Variants in EIF3F observed in about 807,000 individuals in gnomAD.
EIF3F encodes deubiquitinating enzyme eIF3f.
EIF3F carries 8 observed loss-of-function variants against 36.0 expected under a neutral mutation model. That is an observed-to-expected ratio of 0.22 (90% confidence interval 0.13 to 0.40). The LOEUF is 0.40. Ranked by LOEUF, EIF3F falls within the 10% of genes least tolerant of loss-of-function variation. The pLI is 1.00. For synonymous variants in EIF3F, 184 were observed against 188.5 expected (o/e 0.98, Z 0.19); for missense variants, 430 against 467.6 (o/e 0.92, Z 0.74).
At position 7,998,551 on chromosome 11, in the gene EIF3F, G is replaced by A. The variant is rs1942187598; in HGVS notation, c.*2529G>A. The A allele has an allele frequency of 6.6e-6, 1 of 152,200 alleles. No individual in the cohort carries two copies. The highest frequency in any genetic ancestry group is 1.5e-5 in the Non-Finnish European group (1 of 68,042). The allele number at this position is 152,200 out of a possible 1,614,324, so 9.4% of individuals were successfully genotyped here. On this transcript the variant is annotated 3_prime_UTR_variant, in exon 8 of 8. Transcript: ENST00000651655. ...ACCTCAGCTGGGAACATGGAGAGCA[G>A]GCAATTCAAATTTTTTCACATGCTG...
chr11:7,992,182 G>A lies in EIF3F; in HGVS notation c.515+19G>A, dbSNP rs745733190. On this transcript the variant is annotated intron_variant, in intron 3 of 7. Coordinates refer to ENST00000651655, the MANE Select transcript of EIF3F (RefSeq NM_003754.3). ...TGGGCTGGTAAGTTGGGGAGGTGGGGGCTGGGGTTAATGGAAGGTCTCTTC... is the reference window on the plus strand; with the variant it reads ...TGGGCTGGTAAGTTGGGGAGGTGGGAGCTGGGGTTAATGGAAGGTCTCTTC... 2.2e-5 allele frequency: 35 copies of A among 1,601,466 alleles called. No homozygotes were observed. The South Asian group carries it at 3.8e-4, about 17-fold the overall frequency.
intron 1 of EIF3F, chr11:7,987,963 T>C (rs1942048142): frequency 2.3e-6 from 1 of 440,580 alleles, no homozygotes; most frequent in Admixed American, 4.6e-5. Flanking sequence ...AAGGAGTAGT[T>C]GTGTCATTTA....
intron 5 of EIF3F, chr11:7,994,721 T>G: frequency 1.5e-6 from 1 of 687,446 alleles, no homozygotes. Context: ...TGGGAAATGA[T>G]CAGCACCAGA....
chr11:7,995,913 C>T (rs1942154985), intron 7 of EIF3F, 32 bp from the exon 8 acceptor site: 1 of 1,602,822 alleles, frequency 6.2e-7, no homozygotes, highest in Non-Finnish European at 8.5e-7. Flanking sequence ...TCCACCCAAC[C>T]CCCCACTCAT....
chr11:7,992,026 A>T, intron 2 of EIF3F, 58 bp from the exon 3 acceptor site: 1 of 1,582,308 alleles, frequency 6.3e-7, no homozygotes, highest in Non-Finnish European at 8.7e-7. Context: ...TGTCCTTTTT[A>T]ACCAATTTTT....
At position 7,996,029 on chromosome 11, in the gene EIF3F, C is replaced by T. The variant is rs1942156062; in HGVS notation, c.*7C>T. The T allele has an allele frequency of 6.2e-7, 1 of 1,613,558 alleles. No homozygotes were observed. Among genetic ancestry groups the T allele is most frequent in the Non-Finnish European group, 8.5e-7 (1 of 1,179,520 alleles). ...AAAACTTGTAAACCTGTGAATGGACCCCAAGCAGTACACTTGCTGGTCTAG... is the reference window on the plus strand; with the variant it reads ...AAAACTTGTAAACCTGTGAATGGACTCCAAGCAGTACACTTGCTGGTCTAG... On this transcript the variant is annotated 3_prime_UTR_variant, in exon 8 of 8. Transcript: ENST00000651655.
chr11:7,991,572 G>T (rs1376624042), intron 1 of EIF3F, among the ~76,000 whole-genome samples: 1 of 152,202 alleles, frequency 6.6e-6, no homozygotes, highest in Admixed American at 6.5e-5. Context: ...ATTTGGTGAT[G>T]ATTAGAGGGA....
rs1942214169 is a variant in EIF3F, at chr11:8,000,922, C to T, written c.*4900C>T. The T allele has an allele frequency of 6.6e-6, 1 of 152,112 alleles. No individual in the cohort carries two copies. Among genetic ancestry groups the T allele is most frequent in the African/African-American group, 2.4e-5 (1 of 41,416 alleles). The allele number at this position is 152,112 out of a possible 1,614,324, so 9.4% of individuals were successfully genotyped here. A position where few individuals can be genotyped will look rare whatever the true frequency, so the allele number is the denominator to read the frequency against. On this transcript the variant is annotated 3_prime_UTR_variant, in exon 8 of 8. Transcript: ENST00000651655. ...AGAATCCAGGAGTTATTTTAAAAGA[C>T]TGACAAATTTAGCAACATTTTTAAA...
rs547089667 is a variant in EIF3F at position 7,993,435 on chromosome 11, AGGATGACTGTCCTTATTTT to A, written c.653+413_653+431del. 2.5e-4 allele frequency among the ~76,000 whole-genome samples: 38 copies of A among 152,348 alleles called. No homozygotes were observed. The East Asian group carries it at 6.9e-3, about 28-fold the overall frequency. ...AGCGCTCAGGGTAATACAGATTATA[AGGATGACTGTCCTTATTTT>A]GAACACATTTATTAACCCAGGATTG... On this transcript the variant is annotated intron_variant, in intron 4 of 7. Coordinates refer to ENST00000651655, the MANE Select transcript of EIF3F (RefSeq NM_003754.3).
rs900230862 is a variant in EIF3F at position 7,999,007 on chromosome 11, A to G, written c.*2985A>G. 2 of 152,260 alleles carry G rather than the reference A, an allele frequency of 1.3e-5. No individual in the cohort carries two copies. Among genetic ancestry groups the G allele is most frequent in the African/African-American group, 4.8e-5 (2 of 41,472 alleles). The allele number at this position is 152,260 out of a possible 1,614,324, so 9.4% of individuals were successfully genotyped here. On this transcript the variant is annotated 3_prime_UTR_variant, in exon 8 of 8. Coordinates refer to ENST00000651655, the MANE Select transcript of EIF3F (RefSeq NM_003754.3). ...GCCAGGCACAGTGGCTCATGCCTGT[A>G]ATCCCAGCACTTTGGCAGGCTGAGA...
intron 3 of EIF3F, 84 bp from the exon 4 acceptor site, chr11:7,992,803 A>G (rs1942112787): frequency 6.3e-7 from 1 of 1,587,042 alleles, no homozygotes; most frequent in African/African-American, 1.3e-5. Flanking sequence ...AGTGTCCGGT[A>G]CCCTGAAGAC....
At position 7,992,076 on chromosome 11, in the gene EIF3F, C is replaced by T; in HGVS notation, c.436-8C>T. On this transcript the variant is annotated splice_region_variant and splice_polypyrimidine_tract_variant and intron_variant, in intron 2 of 7. Transcript: ENST00000651655. ...CTTCTTAGCTTGCTTTCCTGCCTTC[C>T]CTCTTAGGTGGCTGTTGACATGGAA... The T allele has an allele frequency of 1.9e-6, 3 of 1,612,892 alleles. No homozygotes were observed. Among genetic ancestry groups the T allele is most frequent in the Non-Finnish European group, 1.7e-6 (2 of 1,179,884 alleles).
rs770139004 is a variant in EIF3F, at chr11:7,996,125, CAGTT to C, written c.*104_*107del. 112 of 1,001,192 alleles carry C rather than the reference CAGTT, an allele frequency of 1.1e-4. No individual in the cohort carries two copies. Among genetic ancestry groups the C allele is most frequent in the Non-Finnish European group, 1.7e-4 (105 of 634,738 alleles). The allele number at this position is 1,001,192 out of a possible 1,614,324, so 62.0% of individuals were successfully genotyped here. On this transcript the variant is annotated 3_prime_UTR_variant, in exon 8 of 8. Coordinates refer to ENST00000651655, the MANE Select transcript of EIF3F (RefSeq NM_003754.3). ...TGGTCTTGAGTCACACTGAGATAGT[CAGTT>C]GTGTGTGACTCTAATAAACGGAGCC...
In EIF3F at chr11:7,999,898, T is replaced by C. The variant is rs1178740361; in HGVS notation, c.*3876T>C. On this transcript the variant is annotated 3_prime_UTR_variant, in exon 8 of 8. Transcript: ENST00000651655. ...ACAATCGCCAAGACATCAACCTAAG[T>C]GTCCATCAACAGAAGATAGATAGGG... The C allele has an allele frequency of 6.6e-6, 1 of 152,144 alleles. No individual in the cohort carries two copies. The highest frequency in any genetic ancestry group is 1.5e-5 in the Non-Finnish European group (1 of 68,032). 9.4% of individuals were successfully genotyped at this position (152,144 alleles called of 1,614,324 possible). A position where few individuals can be genotyped will look rare whatever the true frequency, so the allele number is the denominator to read the frequency against.
At chr11:7,988,586 ATTCCAT>A (rs1942055351) in intron 1 of EIF3F, among the ~76,000 whole-genome samples, 1 of 152,220 alleles carries the variant, frequency 6.6e-6, no homozygotes, top group Admixed American at 6.5e-5. Flanking sequence ...ATTCGTTTCC[ATTCCAT>A]CTTAGTGCCA....
In EIF3F at chr11:8,001,087, A is replaced by T. The variant is rs535344311; in HGVS notation, c.*5065A>T. 1 of 152,380 alleles carries T rather than the reference A, an allele frequency of 6.6e-6. No homozygotes were observed. The highest frequency in any genetic ancestry group is 2.1e-4 in the South Asian group (1 of 4,832). 9.4% of individuals were successfully genotyped at this position (152,380 alleles called of 1,614,324 possible). On this transcript the variant is annotated 3_prime_UTR_variant, in exon 8 of 8. Transcript: ENST00000651655. ...AGTTTTTTAAGGCCAGTAATTTGAT[A>T]CATTAGTGTGTAAAGGATATGACCA...
intron 3 of EIF3F, 123 bp downstream of exon 3, chr11:7,992,286 C>T (rs1314840940): frequency 1.1e-6 from 1 of 876,294 alleles, no homozygotes; most frequent in Non-Finnish European, 1.7e-6. Flanking sequence ...AAGTGTATTA[C>T]TGACTGTGAG....
Position 7,987,380 on chromosome 11 carries a change from G to A in EIF3F, c.28G>A (p.Ala10Thr), listed in dbSNP as rs748001646. The change falls in exon 1 of 8, where the codon GCT becomes ACT. Residue 10 changes from alanine (A) to threonine (T), a missense_variant. Physicochemically the swap from Ala to Thr is moderately conservative, Grantham distance 58. Around this residue, in one of 2 missense-constraint regions of EIF3F, gnomAD observed 168 missense variants for 120.2 expected, o/e 1.40. Coordinates refer to ENST00000651655, the MANE Select transcript of EIF3F (RefSeq NM_003754.3). MATPAVPVS[A>T]PPATPTPVPA... Reference sequence around the variant, plus strand: ...GGCCACACCGGCGGTACCAGTAAGTGCTCCTCCGGCCACGCCAACCCCAGT... The same window carrying A: ...GGCCACACCGGCGGTACCAGTAAGTACTCCTCCGGCCACGCCAACCCCAGT... 7.5e-6 allele frequency: 12 copies of A among 1,597,652 alleles called. No homozygotes were observed. The highest frequency in any genetic ancestry group is 1.7e-4 in the Middle Eastern group (1 of 6,034).
intron 1 of EIF3F, among the ~76,000 whole-genome samples, chr11:7,988,915 A>G (rs1246347938): frequency 6.6e-6 from 1 of 152,224 alleles, no homozygotes; most frequent in Non-Finnish European, 1.5e-5. Context: ...ATGCATACAG[A>G]CACACATTTT....
Sources: allele counts gnomAD v4.1 joint callset (sites outside exome capture counted in the v4.1 genomes callset), GRCh38; gene constraint gnomAD v4.1.1; regional missense constraint gnomAD v4.1.1; transcripts MANE v1.5; gene names NCBI Gene and HGNC (gene_info 2026-07-23, HGNC 2026-07-21).